Variants in LIPJ observed in about 807,000 individuals in gnomAD.
LIPJ encodes the protein lipase family member J, also known as lipase member J.
A neutral mutation model predicts 39.8 loss-of-function variants in LIPJ; 33 were observed. That is an observed-to-expected ratio of 0.83 (90% CI 0.63 to 1.11). LIPJ has a LOEUF of 1.11. Ranked by LOEUF, LIPJ falls within the 50% of genes least tolerant of loss-of-function variation. The pLI is 0.00. For missense variants in LIPJ, 422 were observed against 427.9 expected (o/e 0.99, Z 0.12); for synonymous variants, 128 against 139.2 (o/e 0.92, Z 0.57).
chr10:88,602,818 G>A (rs747980892), intron 9 of LIPJ, among the ~76,000 whole-genome samples, 171 bp downstream of exon 9: 3 of 152,034 alleles, frequency 2.0e-5, no homozygotes, highest in South Asian at 4.1e-4. Flanking sequence ...GAGGCTGGGC[G>A]CAATGGCTCA....
chr10:88,618,402 G>A, the LIPJ span: 1 of 152,346 alleles, frequency 6.6e-6, no homozygotes, highest in Non-Finnish European at 1.5e-5. Context: ...TCTTCATGCA[G>A]ATGATACCAG....
rs140191619 is a variant in LIPJ, at chr10:88,594,143, A to G, written c.328A>G (p.Ser110Gly). 4.6e-5 allele frequency: 74 copies of G among 1,603,306 alleles called. No individual in the cohort carries two copies. The African/African-American group carries it at 7.0e-4, about 15-fold the overall frequency. Reference sequence around the variant, plus strand: ...GAGTTCCAAAGAATTCTGGGCTTTCAGGTACAAATAAAATGAAGTAACATT... The same window carrying G: ...GAGTTCCAAAGAATTCTGGGCTTTCGGGTACAAATAAAATGAAGTAACATT... Residue 110 changes from serine to glycine, a missense_variant and splice_region_variant, in exon 5 of 11, where the codon AGT becomes GGT. Coordinates refer to ENST00000371939, the Ensembl canonical transcript of LIPJ.
At chr10:88,602,356 G>T (rs939878402) in intron 8 of LIPJ, among the ~76,000 whole-genome samples, 5 of 151,806 alleles carry the variant, frequency 3.3e-5, no homozygotes, top group African/African-American at 1.2e-4. Context: ...AGTGGCAGAC[G>T]AAATAACTTA....
the LIPJ span, among the ~76,000 whole-genome samples, chr10:88,613,802 GTGTGTGTGTGTGTGTATATATATATA>G: frequency 5.8e-5 from 3 of 51,424 alleles, no homozygotes; most frequent in South Asian, 5.8e-4. Flanking sequence ...ATATATATAT[GTGTGTGTGTGTGTGTATATATATATA>G]TGTGTGTATA....
chr10:88,583,254 G>A, upstream of LIPJ: 1 of 1,594,720 alleles, frequency 6.3e-7, no homozygotes, highest in East Asian at 2.2e-5. Flanking sequence ...CGGGCTTTCT[G>A]GAAAGGCGGC....
At chr10:88,601,777 A>G (rs144123212) in intron 8 of LIPJ, among the ~76,000 whole-genome samples, 2,740 of 152,290 alleles carry the variant, frequency 0.018, 62 homozygotes, top group South Asian at 0.085. Flanking sequence ...TTGTTCTTAC[A>G]TGATACCTCT....
At chr10:88,583,227 G>A (rs141846403), upstream of LIPJ, 11 of 1,610,382 alleles carry the variant, frequency 6.8e-6, no homozygotes, top group Admixed American at 1.7e-5. Context: ...GAGTCTCTGC[G>A]GCGGGGCCGT....
At position 88,592,600 on chromosome 10, in the gene LIPJ, T is replaced by C. The variant is rs1185328425; in HGVS notation, c.130+1102T>C. 1.8e-4 allele frequency: 28 copies of C among 151,864 alleles called. No individual in the cohort carries two copies. The Admixed American group carries it at 1.8e-3, about 10-fold the overall frequency. 9.4% of individuals were successfully genotyped at this position (151,864 alleles called of 1,614,324 possible). ...TCCCATAAAAATTACACTACAGAGG[T>C]GGTCCCACCCTGAGATTAGAGAGCC... On this transcript the variant is annotated intron_variant, in intron 4 of 10. Coordinates refer to ENST00000371939, the Ensembl canonical transcript of LIPJ.
At chr10:88,605,348 A>T (rs1442193979) in intron 9 of LIPJ, among the ~76,000 whole-genome samples, 1 of 152,158 alleles carries the variant, frequency 6.6e-6, no homozygotes, top group Non-Finnish European at 1.5e-5. Context: ...AGGGAGCCTG[A>T]TGTTACTTCT....
At chr10:88,599,091 C>T (rs2134567015) in intron 8 of LIPJ, among the ~76,000 whole-genome samples, 1 of 149,936 alleles carries the variant, frequency 6.7e-6, no homozygotes, top group South Asian at 2.1e-4. Context: ...TCTGTACAGG[C>T]TATTTAAAAT....
chr10:88,599,112 G>A (rs1047839622), intron 8 of LIPJ, among the ~76,000 whole-genome samples: 2 of 150,654 alleles, frequency 1.3e-5, no homozygotes, highest in Non-Finnish European at 1.5e-5. Context: ...TGTTCAGTCA[G>A]AACTTTATTT....
chr10:88,593,842 A>T, intron 4 of LIPJ, 104 bp from the exon 5 acceptor site: 2 of 958,844 alleles, frequency 2.1e-6, no homozygotes, highest in East Asian at 2.6e-5. Flanking sequence ...ACAATTTTTT[A>T]AAATCTTTAA....
chr10:88,615,398 A>G, the LIPJ span, among the ~76,000 whole-genome samples: 1 of 152,022 alleles, frequency 6.6e-6, no homozygotes, highest in Non-Finnish European at 1.5e-5. Flanking sequence ...CTAAAAATAC[A>G]AAAAATTAGC....
At chr10:88,591,460 G>A in exon 4 of LIPJ, 1 of 1,602,190 alleles carries the variant, frequency 6.2e-7, no homozygotes, top group Non-Finnish European at 8.5e-7. Context: ...GGCCTTTATA[G>A]AATTCCTTAT....
chr10:88,604,485 G>A (rs965696961), intron 9 of LIPJ, among the ~76,000 whole-genome samples: 1 of 152,200 alleles, frequency 6.6e-6, no homozygotes, highest in Admixed American at 6.5e-5. Flanking sequence ...GGGAAATGAT[G>A]ATTGTTTGGA....
exon 8 of LIPJ, chr10:88,596,842 T>C: frequency 6.2e-7 from 1 of 1,600,198 alleles, no homozygotes; most frequent in Non-Finnish European, 8.5e-7. Context: ...AAAAAATTCA[T>C]TGGTTCAAAG....
At chr10:88,614,583 A>G in the LIPJ span, among the ~76,000 whole-genome samples, 1 of 152,126 alleles carries the variant, frequency 6.6e-6, no homozygotes, top group East Asian at 1.9e-4. Flanking sequence ...AGAACTATAG[A>G]TGTTCATGAT....
intron 9 of LIPJ, among the ~76,000 whole-genome samples, chr10:88,604,917 G>A (rs1851611994): frequency 6.6e-6 from 1 of 152,164 alleles, no homozygotes; most frequent in Non-Finnish European, 1.5e-5. Context: ...ATCCTTTCGA[G>A]CAAGGATTGG....
At chr10:88,594,635 G>C (rs1851192076) in intron 5 of LIPJ, 32 bp from the exon 6 acceptor site, 3 of 1,075,454 alleles carry the variant, frequency 2.8e-6, no homozygotes, top group Non-Finnish European at 4.0e-6. Flanking sequence ...TTAGTAGAAA[G>C]TGCTATTTTT....
Sources: gnomAD v4.1 joint callset for allele counts (sites outside exome capture counted in the v4.1 genomes callset) on GRCh38, gnomAD v4.1.1 for gene constraint, MANE v1.5 for transcripts, NCBI Gene and HGNC (gene_info 2026-07-23, HGNC 2026-07-21) for gene names.